The following GLG1 variants were observed in gnomAD, a reference collection of about 807,000 sequenced individuals.
GLG1 encodes golgi glycoprotein 1.
GLG1 carries 38 observed loss-of-function variants against 160.5 expected under a neutral mutation model. That is an observed-to-expected ratio of 0.24 (90% CI 0.18 to 0.31). GLG1 has a LOEUF of 0.31. GLG1 is among the 10% of genes least tolerant of loss of function. GLG1 has a pLI of 1.00. For missense variants in GLG1, 1,373 were observed against 1,505.2 expected (o/e 0.91, Z 1.45); for synonymous variants, 644 against 543.4 (o/e 1.19, Z -2.57).
chr16:74,579,189 A>G (rs577861467), intron 1 of GLG1, among the ~76,000 whole-genome samples: 12 of 152,282 alleles, frequency 7.9e-5, no homozygotes, highest in Admixed American at 5.9e-4. Flanking sequence ...TCTTAAAAAT[A>G]CAAACAACAA....
chr16:74,503,864 G>T, intron 3 of GLG1, 118 bp from the exon 4 acceptor site: 1 of 660,496 alleles, frequency 1.5e-6, no homozygotes. Flanking sequence ...TTACTTGGAA[G>T]AAAAAAAGAA....
chr16:74,452,489 T>C lies in GLG1; in HGVS notation c.*678A>G, dbSNP rs2014353025. The C allele has an allele frequency of 1.0e-5, 11 of 1,048,092 alleles. No individual in the cohort carries two copies. Among genetic ancestry groups the C allele is most frequent in the Non-Finnish European group, 1.3e-5 (11 of 866,144 alleles). 64.9% of individuals were successfully genotyped at this position (1,048,092 alleles called of 1,614,324 possible). ...AGCGAGGAGACCACAGAAATACCCA[T>C]GGCTGTGGGGCTGTGACCAGCAGTG... is the stretch of plus-strand genomic sequence containing the variant. On this transcript the variant is annotated 3_prime_UTR_variant, in exon 26 of 26. Transcript: ENST00000422840.
At chr16:74,547,662 T>G (rs1472788147) in intron 1 of GLG1, among the ~76,000 whole-genome samples, 1 of 152,278 alleles carries the variant, frequency 6.6e-6, no homozygotes, top group African/African-American at 2.4e-5. Context: ...TGAGCTATGA[T>G]GAAGAGAGAA....
intron 9 of GLG1, among the ~76,000 whole-genome samples, chr16:74,484,579 G>T (rs2015724208): frequency 6.6e-6 from 1 of 151,854 alleles, no homozygotes; most frequent in African/African-American, 2.4e-5. Context: ...TAACCAACAT[G>T]GTAAAACCCT....
intron 1 of GLG1, among the ~76,000 whole-genome samples, chr16:74,601,123 A>T (rs1958429398): frequency 6.6e-6 from 1 of 152,206 alleles, no homozygotes; most frequent in African/African-American, 2.4e-5. Context: ...CAATGTTTGG[A>T]TTAATTGCTG....
chr16:74,451,810 T>G lies in GLG1; in HGVS notation c.*1357A>C. The G allele has an allele frequency of 2.1e-6, 1 of 469,640 alleles. No individual in the cohort carries two copies. Among genetic ancestry groups the G allele is most frequent in the South Asian group, 2.3e-5 (1 of 42,892 alleles). 29.1% of individuals were successfully genotyped at this position (469,640 alleles called of 1,614,324 possible). A position where few individuals can be genotyped will look rare whatever the true frequency, so the allele number is the denominator to read the frequency against. ...ACACCCAGACTTGTCATCTCCACACTGGAGGAATGAGGCGGGATGGCCAAG... is the reference window on the plus strand; with the variant it reads ...ACACCCAGACTTGTCATCTCCACACGGGAGGAATGAGGCGGGATGGCCAAG... On this transcript the variant is annotated 3_prime_UTR_variant, in exon 26 of 26. Coordinates refer to ENST00000422840, the MANE Select transcript of GLG1 (RefSeq NM_001145667.2).
At chr16:74,567,952 T>A (rs138924300) in intron 1 of GLG1, among the ~76,000 whole-genome samples, 4 of 152,226 alleles carry the variant, frequency 2.6e-5, no homozygotes, top group Admixed American at 2.6e-4. Context: ...TCAGTCTGAG[T>A]GCTCCAGGTC....
intron 2 of GLG1, among the ~76,000 whole-genome samples, chr16:74,522,061 C>G (rs79612770): frequency 0.011 from 1,671 of 152,282 alleles, 26 homozygotes; most frequent in African/African-American, 0.039. Context: ...CTAAAATTTA[C>G]CAATCAGGGT....
intron 2 of GLG1, among the ~76,000 whole-genome samples, chr16:74,509,927 T>C (rs2016748427): frequency 6.6e-6 from 1 of 151,950 alleles, no homozygotes; most frequent in African/African-American, 2.4e-5. Flanking sequence ...CCTCAAGCAA[T>C]TCCCCTGCCT....
intron 9 of GLG1, among the ~76,000 whole-genome samples, chr16:74,483,891 C>A (rs1446616116): frequency 6.6e-6 from 1 of 152,148 alleles, no homozygotes; most frequent in African/African-American, 2.4e-5. Flanking sequence ...GATCTCCTGA[C>A]CTCGTGATCT....
intron 12 of GLG1, among the ~76,000 whole-genome samples, chr16:74,476,266 G>A (rs927532813): frequency 2.0e-5 from 3 of 152,022 alleles, no homozygotes; most frequent in African/African-American, 4.8e-5. Flanking sequence ...TACTTTACTC[G>A]GGGTTCTAAA....
chr16:74,497,237 C>T (rs145323665), intron 4 of GLG1, among the ~76,000 whole-genome samples: 2,077 of 150,270 alleles, frequency 0.014, 34 homozygotes, highest in African/African-American at 0.048. Context: ...TGCAGTGAGC[C>T]GAGATCGTGC....
chr16:74,487,669 GA>G (rs1294677783), intron 8 of GLG1, among the ~76,000 whole-genome samples: 1 of 152,132 alleles, frequency 6.6e-6, no homozygotes, highest in Non-Finnish European at 1.5e-5. Context: ...CTTTTTCTGA[GA>G]AAAGTTGGAA....
At chr16:74,567,942 T>G (rs1001904543) in intron 1 of GLG1, among the ~76,000 whole-genome samples, 2 of 152,214 alleles carry the variant, frequency 1.3e-5, no homozygotes, top group Admixed American at 6.5e-5. Context: ...TCTGTCAATC[T>G]CAGTCTGAGT....
Position 74,496,454 on chromosome 16 carries a change from C to T in GLG1, c.965G>A (p.Arg322His), listed in dbSNP as rs141204594. The T allele has an allele frequency of 1.3e-5, 21 of 1,611,278 alleles. No individual in the cohort carries two copies. The East Asian group carries it at 1.8e-4, about 14-fold the overall frequency. ...LYFACRDDRE[R>H]FCENTQAGEG... is the part of the protein sequence containing the mutation. ...GAGCTGACTCACATTTTCACAAAAA[C>T]GCTCCCGATCATCTCGGCAAGCAAA... The change falls in exon 5 of 26, where the codon CGT (arginine) becomes CAT (histidine). Residue 322 changes from arginine to histidine, a missense_variant. Arg to His is a conservative substitution (Grantham distance 29, BLOSUM62 0). Coordinates refer to ENST00000422840, the MANE Select transcript of GLG1 (RefSeq NM_001145667.2).
At chr16:74,489,646 A>AAACAACACTGTGGC (rs1289352867) in intron 8 of GLG1, among the ~76,000 whole-genome samples, 1 of 152,164 alleles carries the variant, frequency 6.6e-6, no homozygotes, top group Non-Finnish European at 1.5e-5. Flanking sequence ...TGCACCCTAG[A>AAACAACACTGTGGC]AACAACACTG....
chr16:74,530,132 C>CA (rs749448940), intron 2 of GLG1, among the ~76,000 whole-genome samples: 3 of 152,106 alleles, frequency 2.0e-5, no homozygotes, highest in Admixed American at 6.5e-5. Context: ...AGGCACACAT[C>CA]AACTTTTTTC....
intron 1 of GLG1, among the ~76,000 whole-genome samples, chr16:74,586,632 G>T (rs555282970): frequency 6.6e-6 from 1 of 151,794 alleles, no homozygotes; most frequent in African/African-American, 2.4e-5. Flanking sequence ...CTGCCACCAC[G>T]CCTGGCTAAT....
intron 3 of GLG1, among the ~76,000 whole-genome samples, chr16:74,504,356 C>G (rs1177599304): frequency 6.6e-6 from 1 of 152,134 alleles, no homozygotes; most frequent in South Asian, 2.1e-4. Context: ...GACATGATCT[C>G]GGCTCACTGA....
Sources: allele counts gnomAD v4.1 joint callset (sites outside exome capture counted in the v4.1 genomes callset), GRCh38; gene constraint gnomAD v4.1.1; transcripts MANE v1.5; gene names NCBI Gene and HGNC (gene_info 2026-07-23, HGNC 2026-07-21).